GSE1: variants seen among roughly 807,000 people sequenced by gnomAD.
GSE1 encodes the protein Gse1 coiled-coil protein.
A neutral mutation model predicts 112.6 loss-of-function variants in GSE1; 32 were observed. The observed-to-expected ratio is 0.28, with a 90% CI of 0.21 to 0.38. The LOEUF (loss-of-function observed/expected upper bound fraction) is 0.38. Among genes scored for constraint, GSE1 ranks in the 10% least tolerant of loss-of-function variants. GSE1 has a pLI of 1.00. For missense variants in GSE1, 2,348 were observed against 1,699.2 expected (o/e 1.38, Z -6.71); for synonymous variants, 1,115 against 735.6 (o/e 1.52, Z -8.35).
At chr16:85,353,361 T>C (rs2046888728) in intron 1 of GSE1, among the ~76,000 whole-genome samples, 1 of 152,194 alleles carries the variant, frequency 6.6e-6, no homozygotes. Flanking sequence ...CTGTTGGCTA[T>C]ATGTCTAGGA....
intron 2 of GSE1, among the ~76,000 whole-genome samples, chr16:85,410,191 A>G (rs544947844): frequency 2.6e-3 from 89 of 34,334 alleles, no homozygotes; most frequent in East Asian, 5.2e-3. Context: ...CCTCACTGTT[A>G]CACTCAGGCC....
At chr16:85,211,944 C>T (rs777421074) in intron 1 of GSE1, among the ~76,000 whole-genome samples, 2 of 152,206 alleles carry the variant, frequency 1.3e-5, no homozygotes, top group Non-Finnish European at 2.9e-5. Context: ...CTGTGTCACC[C>T]CCGTGCTGGC....
At chr16:85,640,025 G>C (rs928044312) in intron 2 of GSE1, among the ~76,000 whole-genome samples, 2 of 152,194 alleles carry the variant, frequency 1.3e-5, no homozygotes, top group African/African-American at 4.8e-5. Context: ...GGCGCTTTGG[G>C]AACAGGGTGG....
intron 1 of GSE1, among the ~76,000 whole-genome samples, chr16:85,197,218 G>C (rs1302384733): frequency 6.6e-6 from 1 of 152,124 alleles, no homozygotes; most frequent in Non-Finnish European, 1.5e-5. Context: ...AGAGCCACTT[G>C]GGGATCCACG....
intron 2 of GSE1, among the ~76,000 whole-genome samples, chr16:85,540,940 GT>G (rs1236662245): frequency 6.6e-6 from 1 of 151,998 alleles, no homozygotes; most frequent in Admixed American, 6.6e-5. Context: ...TTCTTATCTA[GT>G]TTTTTTGGGT....
chr16:85,357,806 T>G (rs1404060224), intron 2 of GSE1, among the ~76,000 whole-genome samples: 1 of 152,056 alleles, frequency 6.6e-6, no homozygotes, highest in Non-Finnish European at 1.5e-5. Flanking sequence ...GGAGTTTGGA[T>G]TTTCTCTTCC....
chr16:85,177,616 C>T (rs77732418), intron 1 of GSE1, among the ~76,000 whole-genome samples: 3,522 of 152,192 alleles, frequency 0.023, 133 homozygotes, highest in African/African-American at 0.081. Flanking sequence ...TCTGCCATCT[C>T]GTGCTGTGTT....
chr16:85,267,504 T>G (rs1055765099), intron 1 of GSE1, among the ~76,000 whole-genome samples: 2 of 152,056 alleles, frequency 1.3e-5, no homozygotes, highest in Non-Finnish European at 2.9e-5. Context: ...CGCACGCATG[T>G]ACAGGTGGGT....
At chr16:85,508,345 T>C (rs1309619953) in intron 2 of GSE1, among the ~76,000 whole-genome samples, 8 of 152,164 alleles carry the variant, frequency 5.3e-5, no homozygotes, top group African/African-American at 9.7e-5. Flanking sequence ...CCCTCACTTA[T>C]TTTTCGGAAC....
rs1047613642 is a variant in GSE1 at position 85,222,477 on chromosome 16, C to T, written c.2283+50670C>T. Among the ~76,000 whole-genome samples the T allele has an allele frequency of 2.6e-5, 4 of 152,224 alleles. No homozygotes were observed. The East Asian group carries it at 5.8e-4, about 22-fold the overall frequency. On this transcript the variant is annotated intron_variant, in intron 1 of 2. Coordinates refer to the GSE1 transcript ENST00000637419. ...CCTTTGAGTTAGGAGTTCTCCAAGA[C>T]GTGCCTGACGGTTCACACCAGGCCA...
chr16:85,562,731 G>T (rs2045578372), intron 1 of GSE1, among the ~76,000 whole-genome samples: 1 of 152,214 alleles, frequency 6.6e-6, no homozygotes, highest in Non-Finnish European at 1.5e-5. Flanking sequence ...GTTGGGGGGA[G>T]CGGTCCCAGG....
intron 1 of GSE1, among the ~76,000 whole-genome samples, chr16:85,347,087 G>C (rs1294570211): frequency 6.6e-6 from 1 of 152,192 alleles, no homozygotes; most frequent in Non-Finnish European, 1.5e-5. Context: ...TTTCAGGAAG[G>C]CCGCTGCTCG....
intron 1 of GSE1, among the ~76,000 whole-genome samples, chr16:85,320,973 G>A (rs1337605153): frequency 2.0e-5 from 3 of 151,996 alleles, no homozygotes; most frequent in African/African-American, 7.3e-5. Flanking sequence ...TCACACTCCC[G>A]TCACTCCAGT....
At chr16:85,267,748 AC>A (rs1411843617) in intron 1 of GSE1, among the ~76,000 whole-genome samples, 5 of 151,938 alleles carry the variant, frequency 3.3e-5, no homozygotes, top group African/African-American at 1.2e-4. Flanking sequence ...ATCCTTCAAA[AC>A]CCACTGCAGG....
At chr16:85,208,393 G>A (rs2075158265) in intron 1 of GSE1, among the ~76,000 whole-genome samples, 1 of 152,192 alleles carries the variant, frequency 6.6e-6, no homozygotes. Flanking sequence ...CTCCCTCCTG[G>A]TGCCTGCCTG....
intron 1 of GSE1, among the ~76,000 whole-genome samples, chr16:85,293,996 A>C (rs974989642): frequency 5.3e-5 from 8 of 152,158 alleles, no homozygotes; most frequent in African/African-American, 1.9e-4. Context: ...ATGCCTCCCC[A>C]TGCTTCGAGG....
chr16:85,557,428 G>A (rs752756728), intron 1 of GSE1, among the ~76,000 whole-genome samples: 2 of 152,154 alleles, frequency 1.3e-5, no homozygotes, highest in African/African-American at 4.8e-5. Context: ...GGTGATGTGG[G>A]GGTGTAGGGA....
intron 1 of GSE1, among the ~76,000 whole-genome samples, chr16:85,590,252 G>C (rs544328780): frequency 5.3e-5 from 8 of 151,938 alleles, no homozygotes; most frequent in African/African-American, 1.9e-4. Flanking sequence ...GTGTGGGCCC[G>C]CGTGTGAATG....
At chr16:85,482,148 G>A (rs1024066831) in intron 2 of GSE1, among the ~76,000 whole-genome samples, 5 of 152,242 alleles carry the variant, frequency 3.3e-5, no homozygotes, top group African/African-American at 1.2e-4. Context: ...TTGGCATGAT[G>A]CTCAGTGTCT....
Sources: gnomAD v4.1 joint callset for allele counts (sites outside exome capture counted in the v4.1 genomes callset) on GRCh38, gnomAD v4.1.1 for gene constraint, MANE v1.5 for transcripts, NCBI Gene and HGNC (gene_info 2026-07-23, HGNC 2026-07-21) for gene names.